Variants in RAMP1 observed in about 807,000 individuals in gnomAD.
RAMP1 encodes receptor activity modifying protein 1, also known as receptor activity-modifying protein 1.
RAMP1 carries 7 observed loss-of-function variants against 8.2 expected under a neutral mutation model. The observed-to-expected ratio is 0.85, with a 90% confidence interval of 0.49 to 1.60. The LOEUF (loss-of-function observed/expected upper bound fraction) is 1.60. Among genes scored for constraint, RAMP1 ranks in the 40% most tolerant of loss-of-function variants. The pLI, the probability that RAMP1 is intolerant of heterozygous loss-of-function variation, is 0.00. For missense variants in RAMP1, 192 were observed against 202.4 expected (o/e 0.95, Z 0.31); for synonymous variants, 92 against 84.7 (o/e 1.09, Z -0.47).
At chr2:237,879,134 T>C (rs894040914) in intron 2 of RAMP1, among the ~76,000 whole-genome samples, 1 of 152,202 alleles carries the variant, frequency 6.6e-6, no homozygotes, top group Non-Finnish European at 1.5e-5. Context: ...AGCTGAGTCA[T>C]TTGTATTTAA....
intron 1 of RAMP1, among the ~76,000 whole-genome samples, chr2:237,875,286 T>TGCTGG (rs1160533000): frequency 3.3e-5 from 5 of 152,128 alleles, no homozygotes; most frequent in Admixed American, 6.5e-5. Flanking sequence ...AGCCCCAAGG[T>TGCTGG]GCACTCACAG....
Position 237,877,108 on chromosome 2 carries a change from G to A in RAMP1, c.53-116G>A. ...GGAGCCACAGTCGCCCTCTCCAGGG[G>A]TTGCTTAGAGGCCCCGTTCTCGTGG... On this transcript the variant is annotated intron_variant, in intron 1 of 2. Transcript: ENST00000254661. This position sits in a 1 kb window ranked among gnomAD's most constrained non-coding sequence, Gnocchi z 4.4. The A allele has an allele frequency of 3.0e-6, 4 of 1,336,514 alleles. No individual in the cohort carries two copies. Among genetic ancestry groups the A allele is most frequent in the Middle Eastern group, 1.9e-4 (1 of 5,196 alleles). 82.8% of individuals were successfully genotyped at this position (1,336,514 alleles called of 1,614,324 possible). A position where few individuals can be genotyped will look rare whatever the true frequency, so the allele number is the denominator to read the frequency against.
At chr2:237,894,070 C>T (rs868086065) in intron 2 of RAMP1, among the ~76,000 whole-genome samples, 8 of 140,444 alleles carry the variant, frequency 5.7e-5, no homozygotes, top group Admixed American at 3.1e-4. Context: ...CCCAAGTTCA[C>T]GTGATTCTTG....
At position 237,865,647 on chromosome 2, in the gene RAMP1, G is replaced by C. The variant is rs142793714; in HGVS notation, c.52+5920G>C. On this transcript the variant is annotated intron_variant, in intron 1 of 2. Transcript: ENST00000254661. This position sits in a 1 kb window ranked among gnomAD's most constrained non-coding sequence, Gnocchi z 4.2. ...TAGACAGGAGTCTATGCAAATCAAG[G>C]GTTCAGAAAGAGGTATGGCCAAGAG... is the stretch of plus-strand genomic sequence containing the variant. 6.6e-6 allele frequency among the ~76,000 whole-genome samples: 1 copy of C among 152,168 alleles called. No individual in the cohort carries two copies. The highest frequency in any genetic ancestry group is 1.5e-5 in the Non-Finnish European group (1 of 68,038).
intron 2 of RAMP1, among the ~76,000 whole-genome samples, chr2:237,888,775 T>TTGTG (rs1037075942): frequency 4.0e-5 from 6 of 151,840 alleles, no homozygotes; most frequent in African/African-American, 1.5e-4. Context: ...ATTCTTTTTT[T>TTGTG]TGTTTGTTTG....
At chr2:237,864,043 C>T (rs1342707453) in intron 1 of RAMP1, among the ~76,000 whole-genome samples, 1 of 152,002 alleles carries the variant, frequency 6.6e-6, no homozygotes. Flanking sequence ...GTCACCCCCA[C>T]ACATGCCATG....
chr2:237,908,965 C>A (rs1336495590), intron 2 of RAMP1, among the ~76,000 whole-genome samples: 2 of 152,164 alleles, frequency 1.3e-5, no homozygotes, highest in Admixed American at 1.3e-4. Flanking sequence ...CCTACCCTGG[C>A]TGCAGCCCTG....
intron 2 of RAMP1, among the ~76,000 whole-genome samples, chr2:237,879,395 C>T (rs1313806806): frequency 2.6e-5 from 4 of 151,836 alleles, no homozygotes; most frequent in Non-Finnish European, 4.4e-5. Flanking sequence ...GAATAACTAG[C>T]GCTGAGGCCA....
At position 237,878,118 on chromosome 2, in the gene RAMP1, G is replaced by A. The variant is rs138444605; in HGVS notation, c.191+756G>A. Reference sequence around the variant, plus strand: ...CCTGGGGCTGCAGTGGGTGAGTAGCGGGGTCAGCAGTGCATGCGTGGAGCT... The same window carrying A: ...CCTGGGGCTGCAGTGGGTGAGTAGCAGGGTCAGCAGTGCATGCGTGGAGCT... On this transcript the variant is annotated intron_variant, in intron 2 of 2. Transcript: ENST00000254661. The surrounding 1 kb of genome is among the most constrained non-coding windows in gnomAD (Gnocchi z 5.7). The A allele has an allele frequency of 3.3e-5, 33 of 985,436 alleles. No individual in the cohort carries two copies. The highest frequency in any genetic ancestry group is 2.4e-4 in the African/African-American group (14 of 57,374). The allele number at this position is 985,436 out of a possible 1,614,324, so 61.0% of individuals were successfully genotyped here.
Position 237,911,403 on chromosome 2 carries a change from G to A in RAMP1, c.192-125G>A, listed in dbSNP as rs80087387. On this transcript the variant is annotated intron_variant, in intron 2 of 2. Transcript: ENST00000254661. ...CTGGATCCAGGGCCACTGCCTCGGC[G>A]TCGGGGCTTCTCCGAGCCAAGCTTC... 8,929 of 1,362,650 alleles carry A rather than the reference G, an allele frequency of 6.6e-3. 440 individuals are homozygous for A. In the African/African-American group the frequency reaches 0.11, roughly 17 times the overall value. The allele number at this position is 1,362,650 out of a possible 1,614,324, so 84.4% of individuals were successfully genotyped here.
At chr2:237,864,594 C>T (rs1370629054) in intron 1 of RAMP1, among the ~76,000 whole-genome samples, 1 of 152,188 alleles carries the variant, frequency 6.6e-6, no homozygotes, top group Non-Finnish European at 1.5e-5. Flanking sequence ...AGGACTCTCA[C>T]ACACGTGGGA....
intron 2 of RAMP1, among the ~76,000 whole-genome samples, chr2:237,883,816 CAAA>C (rs56095303): frequency 3.3e-5 from 2 of 61,478 alleles, no homozygotes; most frequent in Non-Finnish European, 6.3e-5. Context: ...GACCCTACCT[CAAA>C]AAAAAAAAAA....
chr2:237,874,802 C>G (rs1452637960), intron 1 of RAMP1: 2 of 710,732 alleles, frequency 2.8e-6, no homozygotes, highest in African/African-American at 3.9e-5. Context: ...GATGAGAGGG[C>G]AGCCAAGAGG....
At chr2:237,881,807 A>G (rs1034426535) in intron 2 of RAMP1, among the ~76,000 whole-genome samples, 10 of 151,460 alleles carry the variant, frequency 6.6e-5, no homozygotes, top group Non-Finnish European at 1.3e-4. Flanking sequence ...TCTCTCGTGT[A>G]CATTAGAGAT....
Position 237,862,128 on chromosome 2 carries a change from G to T in RAMP1, c.52+2401G>T, listed in dbSNP as rs536325419. Among the ~76,000 whole-genome samples the T allele has an allele frequency of 3.3e-5, 5 of 152,182 alleles. No homozygotes were observed. The highest frequency in any genetic ancestry group is 1.9e-4 in the East Asian group (1 of 5,180). On this transcript the variant is annotated intron_variant, in intron 1 of 2. Coordinates refer to ENST00000254661, the MANE Select transcript of RAMP1 (RefSeq NM_005855.4). This position sits in a 1 kb window ranked among gnomAD's most constrained non-coding sequence, Gnocchi z 4.0. ...CTTGGCTGTCACGTGGGAGCCAGGGGTTTTTTTAATGGCTGCAACATTAAT... is the reference window on the plus strand; with the variant it reads ...CTTGGCTGTCACGTGGGAGCCAGGGTTTTTTTTAATGGCTGCAACATTAAT...
rs924010330 is a variant in RAMP1 at position 237,878,110 on chromosome 2, T to C, written c.191+748T>C. 1.0e-6 allele frequency: 1 copy of C among 985,222 alleles called. No individual in the cohort carries two copies. Among genetic ancestry groups the C allele is most frequent in the Non-Finnish European group, 1.2e-6 (1 of 829,852 alleles). The allele number at this position is 985,222 out of a possible 1,614,324, so 61.0% of individuals were successfully genotyped here. A position where few individuals can be genotyped will look rare whatever the true frequency, so the allele number is the denominator to read the frequency against. On this transcript the variant is annotated intron_variant, in intron 2 of 2. Transcript: ENST00000254661. The surrounding 1 kb of genome is among the most constrained non-coding windows in gnomAD (Gnocchi z 5.7). Reference sequence around the variant, plus strand: ...TGGGGTGTCCTGGGGCTGCAGTGGGTGAGTAGCGGGGTCAGCAGTGCATGC... The same window carrying C: ...TGGGGTGTCCTGGGGCTGCAGTGGGCGAGTAGCGGGGTCAGCAGTGCATGC...
intron 2 of RAMP1, among the ~76,000 whole-genome samples, chr2:237,909,772 C>T (rs2062691008): frequency 6.6e-6 from 1 of 152,130 alleles, no homozygotes; most frequent in African/African-American, 2.4e-5. Flanking sequence ...GCCTACAAAC[C>T]CACATCTATG....
intron 2 of RAMP1, among the ~76,000 whole-genome samples, chr2:237,893,287 T>C (rs2062504243): frequency 6.6e-6 from 1 of 152,226 alleles, no homozygotes; most frequent in Non-Finnish European, 1.5e-5. Context: ...ACCTCCTCCT[T>C]CCTGGCGTGG....
intron 1 of RAMP1, chr2:237,874,723 G>T: frequency 1.0e-6 from 1 of 979,698 alleles, no homozygotes; most frequent in Non-Finnish European, 1.2e-6. Context: ...CATCTTATTT[G>T]CTGGCTCATT....
Sources: gnomAD v4.1 joint callset for allele counts (sites outside exome capture counted in the v4.1 genomes callset) on GRCh38, gnomAD v4.1.1 for gene constraint, Gnocchi (gnomAD v3.1) non-coding constraint, MANE v1.5 for transcripts, NCBI Gene and HGNC (gene_info 2026-07-23, HGNC 2026-07-21) for gene names.